DEPDC5: variants seen among roughly 807,000 people sequenced by gnomAD.
DEPDC5 encodes the protein GATOR1 complex protein DEPDC5.
DEPDC5 carries 73 observed loss-of-function variants against 217.3 expected under a neutral mutation model. The observed-to-expected ratio is 0.34, with a 90% CI of 0.28 to 0.41. The LOEUF is 0.41. DEPDC5 is among the 10% of genes least tolerant of loss of function. The probability of loss-of-function intolerance (pLI) is 1.00; values close to 1 mark genes in which losing one functional copy is unlikely to be tolerated. For synonymous variants in DEPDC5, 733 were observed against 756.7 expected (o/e 0.97, Z 0.51); for missense variants, 1,675 against 2,070.1 (o/e 0.81, Z 3.70).
chr22:31,882,423 T>C (rs1433306996), intron 38 of DEPDC5, among the ~76,000 whole-genome samples: 3 of 152,208 alleles, frequency 2.0e-5, no homozygotes, highest in African/African-American at 7.2e-5. Context: ...ATGGCGACAA[T>C]TTATGTGAGA....
rs34494517 is a variant in DEPDC5, at chr22:31,791,925, CAAAAAAAAAAAAA to C, written c.625-94_625-82del. 9.6e-4 allele frequency: 119 copies of C among 124,124 alleles called. 2 individuals carry two copies. The highest frequency in any genetic ancestry group is 1.3e-3 in the Non-Finnish European group (96 of 72,990). The allele number at this position is 124,124 out of a possible 1,614,324, so 7.7% of individuals were successfully genotyped here. On this transcript the variant is annotated intron_variant, in intron 10 of 42. Coordinates refer to ENST00000651528, the MANE Select transcript of DEPDC5 (RefSeq NM_001242896.3). ...CTGGTGGCAGAGTAAGACTCCGTCT[CAAAAAAAAAAAAA>C]AAAAAAAAAAAAAGAATATTATATG...
In DEPDC5 at chr22:31,784,840, AATG is replaced by A. The variant is rs752918565; in HGVS notation, c.590_592del (p.Asn197_Gly198delinsSer). On this transcript the variant is annotated inframe_deletion, in exon 10 of 43. Coordinates refer to ENST00000651528, the MANE Select transcript of DEPDC5 (RefSeq NM_001242896.3). ...GGATTTGTATTTTGAGAAAGCTGTG[AATG>A]GTTTCCTTGCTGATCTATTTACCAA... The A allele has an allele frequency of 1.2e-6, 2 of 1,613,492 alleles. No homozygotes were observed. Among genetic ancestry groups the A allele is most frequent in the Non-Finnish European group, 8.5e-7 (1 of 1,179,830 alleles).
intron 38 of DEPDC5, among the ~76,000 whole-genome samples, chr22:31,889,556 TTTTTTTTTTTC>T (rs1364758075): frequency 6.1e-5 from 9 of 147,384 alleles, no homozygotes; most frequent in Non-Finnish European, 1.2e-4. Context: ...TTTTTTTTTT[TTTTTTTTTTTC>T]CAGACAGAGT....
intron 10 of DEPDC5, among the ~76,000 whole-genome samples, chr22:31,786,467 T>C (rs1335126193): frequency 6.6e-6 from 1 of 151,390 alleles, no homozygotes; most frequent in African/African-American, 2.4e-5. Flanking sequence ...TTCCTTATGT[T>C]TAAAAGTTTT....
At chr22:31,852,403 C>T (rs2092078130) in intron 31 of DEPDC5, among the ~76,000 whole-genome samples, 1 of 149,130 alleles carries the variant, frequency 6.7e-6, no homozygotes, top group Non-Finnish European at 1.5e-5. Flanking sequence ...TGCAATGGCA[C>T]GATCTTGGCT....
intron 24 of DEPDC5, among the ~76,000 whole-genome samples, chr22:31,824,086 C>G (rs1317795201): frequency 1.3e-5 from 2 of 152,202 alleles, no homozygotes; most frequent in Non-Finnish European, 2.9e-5. Flanking sequence ...CACAGTGGCT[C>G]ACGCCTGTAA....
chr22:31,815,493 TC>T (rs772312796), intron 21 of DEPDC5: 7 of 608,920 alleles, frequency 1.1e-5, no homozygotes, highest in Non-Finnish European at 2.1e-5. Flanking sequence ...CAATCGATCC[TC>T]CCACCTCTGC....
intron 25 of DEPDC5, among the ~76,000 whole-genome samples, chr22:31,834,432 T>G: frequency 6.6e-6 from 1 of 152,112 alleles, no homozygotes; most frequent in East Asian, 1.9e-4. Context: ...TCTGTAATAA[T>G]AAAATAGCAG....
At chr22:31,833,858 C>G in intron 24 of DEPDC5, 57 bp from the exon 25 acceptor site, 1 of 1,418,860 alleles carries the variant, frequency 7.0e-7, no homozygotes, top group Non-Finnish European at 9.4e-7. Flanking sequence ...CATAACTGGT[C>G]AGAACTCTTT....
chr22:31,842,473 GC>G (rs1186206430), intron 27 of DEPDC5, among the ~76,000 whole-genome samples: 3 of 151,646 alleles, frequency 2.0e-5, no homozygotes, highest in African/African-American at 7.3e-5. Context: ...TACTCGGGAG[GC>G]TGAGACAGGA....
chr22:31,863,628 C>T (rs138622905), intron 33 of DEPDC5, among the ~76,000 whole-genome samples: 1 of 152,026 alleles, frequency 6.6e-6, no homozygotes, highest in Non-Finnish European at 1.5e-5. Context: ...TGGACAATAT[C>T]GTAAAACCCT....
chr22:31,902,411 TATATATA>T (rs1569244209), intron 41 of DEPDC5, among the ~76,000 whole-genome samples: 2 of 113,152 alleles, frequency 1.8e-5, no homozygotes, highest in African/African-American at 6.7e-5. Context: ...CTCCTTATTA[TATATATA>T]TATATATATA....
intron 9 of DEPDC5, 73 bp downstream of exon 9, chr22:31,784,058 T>C: frequency 1.6e-6 from 2 of 1,232,712 alleles, no homozygotes; most frequent in Middle Eastern, 1.9e-4. Context: ...AATTCATGAA[T>C]GCCCAGGGTC....
chr22:31,848,655 T>G (rs1311294068), intron 31 of DEPDC5, among the ~76,000 whole-genome samples: 1 of 152,210 alleles, frequency 6.6e-6, no homozygotes, highest in Non-Finnish European at 1.5e-5. Context: ...AGGGGCTGCA[T>G]GAAGGTCTCT....
At chr22:31,848,173 C>T (rs2091849665) in intron 31 of DEPDC5, among the ~76,000 whole-genome samples, 1 of 152,050 alleles carries the variant, frequency 6.6e-6, no homozygotes, top group African/African-American at 2.4e-5. Flanking sequence ...AGGGTACCAC[C>T]CCACTTCGGG....
At chr22:31,806,554 T>G (rs1358175982) in intron 18 of DEPDC5, among the ~76,000 whole-genome samples, 2 of 152,224 alleles carry the variant, frequency 1.3e-5, no homozygotes, top group Non-Finnish European at 2.9e-5. Context: ...AAGAGTTCAT[T>G]TTTTGTTTGT....
chr22:31,784,314 C>A, intron 9 of DEPDC5: 1 of 217,414 alleles, frequency 4.6e-6, no homozygotes. Context: ...GTACATCTGG[C>A]TTTTATGATC....
intron 6 of DEPDC5, among the ~76,000 whole-genome samples, chr22:31,767,800 G>A (rs2082950349): frequency 6.6e-6 from 1 of 151,754 alleles, no homozygotes. Flanking sequence ...AGGCTGGAGT[G>A]CAGTGGTGCG....
In DEPDC5 at chr22:31,860,394, A is replaced by T. The variant is rs555914560; in HGVS notation, c.3265-974A>T. On this transcript the variant is annotated intron_variant, in intron 32 of 42. Coordinates refer to ENST00000651528, the MANE Select transcript of DEPDC5 (RefSeq NM_001242896.3). The stretch of plus-strand genomic sequence containing the variant: ...GGCACCCAAATATTTCAGTTATTCT[A>T]CCTTTGGAATTGAGGAAAAGTTCCA... 1.7e-4 allele frequency among the ~76,000 whole-genome samples: 26 copies of T among 152,314 alleles called. 1 individual carries two copies. The South Asian group carries it at 5.2e-3, about 30-fold the overall frequency.
Sources: gnomAD v4.1 joint callset for allele counts (sites outside exome capture counted in the v4.1 genomes callset) on GRCh38, gnomAD v4.1.1 for gene constraint, MANE v1.5 for transcripts, NCBI Gene and HGNC (gene_info 2026-07-23, HGNC 2026-07-21) for gene names.